The following ROBO2 variants were observed in gnomAD, a reference collection of about 807,000 sequenced individuals.
ROBO2 encodes the protein roundabout guidance receptor 2.
Under a neutral mutation model 160.8 loss-of-function variants are expected in ROBO2, and 53 were observed. The ratio of observed to expected loss-of-function variants is 0.33; its 90% CI spans 0.26 to 0.41. The LOEUF is 0.41. ROBO2 is among the 10% of genes least tolerant of loss of function. The probability of loss-of-function intolerance (pLI) is 1.00; values close to 1 mark genes in which losing one functional copy is unlikely to be tolerated. For missense variants in ROBO2, 1,577 were observed against 1,722.4 expected (o/e 0.92, Z 1.49); for synonymous variants, 664 against 611.7 (o/e 1.09, Z -1.26).
At chr3:76,761,588 G>C (rs1424576124) in intron 2 of ROBO2, among the ~76,000 whole-genome samples, 3 of 151,674 alleles carry the variant, frequency 2.0e-5, no homozygotes, top group African/African-American at 7.3e-5. Flanking sequence ...ATTATATACT[G>C]TCTTTTTTCT....
chr3:76,434,990 A>G (rs2076604242), intron 2 of ROBO2: 5 of 1,560,020 alleles, frequency 3.2e-6, no homozygotes, highest in Non-Finnish European at 2.6e-6. Flanking sequence ...AGAAGTGGAG[A>G]GTGGAAAATC....
chr3:77,293,536 A>G (rs2061589124), intron 2 of ROBO2, among the ~76,000 whole-genome samples: 1 of 147,070 alleles, frequency 6.8e-6, no homozygotes, highest in African/African-American at 2.7e-5. Context: ...GGGTAAGCTG[A>G]GGCTAGAGCA....
At chr3:76,213,629 C>A (rs188857481) in intron 2 of ROBO2, among the ~76,000 whole-genome samples, 1 of 151,932 alleles carries the variant, frequency 6.6e-6, no homozygotes, top group African/African-American at 2.4e-5. Flanking sequence ...GAACATTTTG[C>A]AAATATCTTG....
At chr3:76,472,113 GCGCA>G (rs2078698189) in intron 2 of ROBO2, among the ~76,000 whole-genome samples, 1 of 77,372 alleles carries the variant, frequency 1.3e-5, no homozygotes, top group African/African-American at 3.9e-5. Context: ...GCGTGTGCGT[GCGCA>G]TGTGTATCAC....
At chr3:76,545,661 G>C (rs1328710725) in intron 2 of ROBO2, among the ~76,000 whole-genome samples, 1 of 151,894 alleles carries the variant, frequency 6.6e-6, no homozygotes, top group Non-Finnish European at 1.5e-5. Context: ...ATCATAAACT[G>C]AAATTCATAA....
intron 2 of ROBO2, among the ~76,000 whole-genome samples, chr3:76,711,046 A>G (rs2093282634): frequency 6.6e-6 from 1 of 152,188 alleles, no homozygotes; most frequent in Admixed American, 6.5e-5. Context: ...AGAAAATTTA[A>G]GATTTATATT....
At chr3:77,037,074 C>A (rs1280946086), upstream of ROBO2, among the ~76,000 whole-genome samples, 2 of 151,994 alleles carry the variant, frequency 1.3e-5, no homozygotes, top group East Asian at 3.9e-4. Context: ...AAGGTAATGT[C>A]TTTGTTCTTT....
At chr3:77,347,531 A>G (rs575997531) in intron 2 of ROBO2, among the ~76,000 whole-genome samples, 1 of 151,946 alleles carries the variant, frequency 6.6e-6, no homozygotes, top group Admixed American at 6.6e-5. Flanking sequence ...ATCTCTCCCT[A>G]TCTATATTTT....
chr3:76,269,842 A>G (rs763366991), intron 2 of ROBO2, among the ~76,000 whole-genome samples: 13 of 152,058 alleles, frequency 8.5e-5, no homozygotes, highest in Non-Finnish European at 1.6e-4. Context: ...GAAAATTGAC[A>G]TGGAACATTA....
intron 2 of ROBO2, among the ~76,000 whole-genome samples, chr3:77,134,386 C>T (rs1439665763): frequency 6.6e-6 from 1 of 152,152 alleles, no homozygotes; most frequent in Non-Finnish European, 1.5e-5. Context: ...AATTTAAAAA[C>T]ACATTTGCGA....
At chr3:77,605,029 G>A (rs894255154) in intron 20 of ROBO2, among the ~76,000 whole-genome samples, 3 of 151,650 alleles carry the variant, frequency 2.0e-5, no homozygotes, top group African/African-American at 7.3e-5. Context: ...AGCCAAGCAT[G>A]GTGGCACTCG....
Position 77,040,304 on chromosome 3 carries a change from C to T in ROBO2, c.-482C>T, listed in dbSNP as rs886058874. The T allele has an allele frequency of 6.1e-5, 61 of 995,158 alleles. No individual in the cohort carries two copies. The highest frequency in any genetic ancestry group is 7.2e-5 in the Non-Finnish European group (60 of 836,754). 61.6% of individuals were successfully genotyped at this position (995,158 alleles called of 1,614,324 possible). A position where few individuals can be genotyped will look rare whatever the true frequency, so the allele number is the denominator to read the frequency against. On this transcript the variant is annotated 5_prime_UTR_variant, in exon 1 of 26. Coordinates refer to ENST00000461745, the Ensembl canonical transcript of ROBO2. ...TTAAAAAATAACTCCGGACGTGGAG[C>T]TGCTACGGAGAAGGAAACCGGGGGA...
chr3:76,821,555 T>C (rs939026146), intron 2 of ROBO2, among the ~76,000 whole-genome samples: 5 of 152,160 alleles, frequency 3.3e-5, no homozygotes, highest in Non-Finnish European at 7.4e-5. Flanking sequence ...CTTTTTATAT[T>C]TCAATTTTCT....
chr3:75,933,999 C>T (rs1372795562), intron 1 of ROBO2, among the ~76,000 whole-genome samples: 2 of 152,154 alleles, frequency 1.3e-5, no homozygotes, highest in African/African-American at 4.8e-5. Flanking sequence ...CTCCAGACTC[C>T]ACAACACATT....
intron 2 of ROBO2, among the ~76,000 whole-genome samples, chr3:77,337,409 C>CA (rs1186440103): frequency 6.6e-6 from 1 of 151,582 alleles, no homozygotes; most frequent in African/African-American, 2.4e-5. Flanking sequence ...TGGTTATGAC[C>CA]AAAAAAGAAA....
At chr3:77,040,919 T>C in intron 1 of ROBO2, 73 bp downstream of exon 1, 1 of 1,522,150 alleles carries the variant, frequency 6.6e-7, no homozygotes, top group Non-Finnish European at 9.0e-7. Context: ...TCTTTTTGAA[T>C]TTGATGTGGG....
intron 2 of ROBO2, among the ~76,000 whole-genome samples, chr3:77,396,937 C>T (rs530356570): frequency 1.3e-4 from 19 of 151,864 alleles, no homozygotes; most frequent in Non-Finnish European, 2.5e-4. Context: ...ATAGTAAAAG[C>T]GAATGCATTC....
chr3:77,028,840 CAT>C (rs1416300105), intron 2 of ROBO2, among the ~76,000 whole-genome samples: 2 of 152,198 alleles, frequency 1.3e-5, no homozygotes, highest in African/African-American at 4.8e-5. Flanking sequence ...ATATTTGTGA[CAT>C]ATTCTCTGTA....
At chr3:77,280,387 C>A (rs13087163) in intron 2 of ROBO2, among the ~76,000 whole-genome samples, 62,662 of 151,894 alleles carry the variant, frequency 0.41, 13,118 homozygotes, top group South Asian at 0.45. Flanking sequence ...TATGTGAATT[C>A]TTTGCCTTTC....
Sources: gnomAD v4.1 joint callset for allele counts (sites outside exome capture counted in the v4.1 genomes callset) on GRCh38, gnomAD v4.1.1 for gene constraint, MANE v1.5 for transcripts, NCBI Gene and HGNC (gene_info 2026-07-23, HGNC 2026-07-21) for gene names.